Variants in PCDHGB4 observed in about 807,000 individuals in gnomAD.
PCDHGB4 encodes the protein protocadherin gamma-B4.
In PCDHGB4, 38 loss-of-function variants were observed where a neutral mutation model predicts 60.5. The observed-to-expected ratio is 0.63, with a 90% CI of 0.48 to 0.82. The LOEUF is 0.82. Among genes scored for constraint, PCDHGB4 ranks in the 40% least tolerant of loss-of-function variants. PCDHGB4 has a pLI of 0.00. For synonymous variants in PCDHGB4, 456 were observed against 509.7 expected (o/e 0.89, Z 1.42); for missense variants, 1,109 against 1,209.6 (o/e 0.92, Z 1.23).
chr5:141,505,072 G>A (rs1374916789), intron 2 of PCDHGB4, among the ~76,000 whole-genome samples: 1 of 152,228 alleles, frequency 6.6e-6, no homozygotes. Context: ...TGAGGCAGGA[G>A]AATCGCTTGA....
intron 1 of PCDHGB4, chr5:141,392,860 T>G (rs726684): frequency 0.19 from 299,729 of 1,611,996 alleles, 30,027 homozygotes; most frequent in Admixed American, 0.35. Context: ...CTGATCCTGC[T>G]GTGCGCGCTG....
chr5:141,405,273 A>G (rs762280864), intron 1 of PCDHGB4: 5 of 1,613,974 alleles, frequency 3.1e-6, no homozygotes, highest in African/African-American at 2.7e-5. Context: ...CCCCAGCCCA[A>G]CTATGCAGAC....
At chr5:141,395,197 T>A in intron 1 of PCDHGB4, 1 of 1,614,012 alleles carries the variant, frequency 6.2e-7, no homozygotes, top group Non-Finnish European at 8.5e-7. Context: ...TTAACATCCG[T>A]AGATTTTCAT....
intron 1 of PCDHGB4, among the ~76,000 whole-genome samples, chr5:141,484,389 G>A (rs1336850919): frequency 6.6e-6 from 1 of 152,140 alleles, no homozygotes; most frequent in Non-Finnish European, 1.5e-5. Flanking sequence ...GAATAAGAAA[G>A]GTTTGGTTTC....
rs2099612736 is a variant in PCDHGB4 at position 141,485,393 on chromosome 5, C to T, written c.2398-9414C>T. The T allele has an allele frequency of 6.2e-7, 1 of 1,614,154 alleles. No homozygotes were observed. The highest frequency in any genetic ancestry group is 1.7e-5 in the Admixed American group (1 of 60,020). ...GGTCGCTGGAGAGGTGAACCAAAGA[C>T]ACTTCCGTGTGGATTTGGACAGCGG... On this transcript the variant is annotated intron_variant, in intron 1 of 3. Coordinates refer to ENST00000519479, the MANE Select transcript of PCDHGB4 (RefSeq NM_003736.4). The surrounding 1 kb of genome is among the most constrained non-coding windows in gnomAD (Gnocchi z 5.7).
chr5:141,402,749 G>A (rs768250544), intron 1 of PCDHGB4, among the ~76,000 whole-genome samples: 4 of 152,152 alleles, frequency 2.6e-5, no homozygotes, highest in Non-Finnish European at 5.9e-5. Flanking sequence ...TCAACTCTAA[G>A]CGAAAATCAG....
At chr5:141,494,733 C>G in intron 1 of PCDHGB4, 74 bp from the exon 2 acceptor site, 1 of 1,610,826 alleles carries the variant, frequency 6.2e-7, no homozygotes, top group South Asian at 1.1e-5. Flanking sequence ...CTCTCCCGGC[C>G]CATCCCTAGG....
rs112156044 is a variant in PCDHGB4, at chr5:141,476,771, G to C, written c.2398-18036G>C. ...CCAGTTAGTGCTGACGGCGTTGGAC[G>C]GAGGGACCCCAGCTCTCTCCGCCAG... On this transcript the variant is annotated intron_variant, in intron 1 of 3. Coordinates refer to ENST00000519479, the MANE Select transcript of PCDHGB4 (RefSeq NM_003736.4). The surrounding 1 kb of genome is among the most constrained non-coding windows in gnomAD (Gnocchi z 7.6). 1.1e-5 allele frequency: 18 copies of C among 1,613,700 alleles called. 1 individual carries two copies. In the South Asian group the frequency reaches 1.3e-4, roughly 12 times the overall value.
chr5:141,413,054 A>G (rs2095600698), intron 1 of PCDHGB4: 1 of 981,614 alleles, frequency 1.0e-6, no homozygotes, highest in African/African-American at 1.6e-5. Flanking sequence ...AGGGAAGCTC[A>G]CTCCAGAATT....
At chr5:141,461,430 A>G (rs1239117668) in intron 1 of PCDHGB4, among the ~76,000 whole-genome samples, 2 of 151,992 alleles carry the variant, frequency 1.3e-5, no homozygotes, top group African/African-American at 4.8e-5. Context: ...GGCCATTTGT[A>G]TACCTTCTTT....
chr5:141,399,731 CGCCTGCGCTCAGCGCAAACGTGA>C (rs777966215), intron 1 of PCDHGB4: 5 of 1,613,174 alleles, frequency 3.1e-6, no homozygotes, highest in Admixed American at 1.7e-5. Flanking sequence ...GACCAGGGCT[CGCCTGCGCTCAGCGCAAACGTGA>C]GCCTGCGCGT....
chr5:141,474,819 G>A (rs1180279468), intron 1 of PCDHGB4, among the ~76,000 whole-genome samples: 1 of 152,190 alleles, frequency 6.6e-6, no homozygotes, highest in Non-Finnish European at 1.5e-5. Flanking sequence ...CATTAATTGA[G>A]GCTTACTCTG....
At chr5:141,455,837 AT>A (rs2098833014) in intron 1 of PCDHGB4, among the ~76,000 whole-genome samples, 2 of 151,422 alleles carry the variant, frequency 1.3e-5, no homozygotes, top group African/African-American at 4.8e-5. Context: ...TTTCCTGTCT[AT>A]CTGCATAAAA....
intron 1 of PCDHGB4, among the ~76,000 whole-genome samples, chr5:141,445,953 T>C (rs550111391): frequency 2.0e-4 from 31 of 152,308 alleles, no homozygotes; most frequent in Middle Eastern, 3.4e-3. Flanking sequence ...CTCTGGCTGC[T>C]ATATGGAGAA....
At chr5:141,427,972 C>T (rs1368719718) in intron 1 of PCDHGB4, 1 of 1,593,948 alleles carries the variant, frequency 6.3e-7, no homozygotes, top group South Asian at 1.1e-5. Flanking sequence ...GTGCTGTACC[C>T]CGCGCTGGGG....
chr5:141,413,212 G>C, intron 1 of PCDHGB4: 2 of 1,613,268 alleles, frequency 1.2e-6, no homozygotes, highest in Middle Eastern at 1.7e-4. Flanking sequence ...GGAATCAAAG[G>C]ATTGCAGCGG....
chr5:141,494,812 C>G lies in PCDHGB4; in HGVS notation c.2403C>G (p.Ala801=). The part of the protein sequence containing the change: ...NSSELTSHQQ[A]PPNTDWRFSQ... ...TCCCTCTGTTTTCTCCACAGCAAGCCCCGCCCAACACGGACTGGCGTTTCT... is the reference window on the plus strand; with the variant it reads ...TCCCTCTGTTTTCTCCACAGCAAGCGCCGCCCAACACGGACTGGCGTTTCT... The change falls in exon 2 of 4, where the codon GCC becomes GCG. Residue 801 remains alanine, a synonymous_variant. Coordinates refer to ENST00000519479, the MANE Select transcript of PCDHGB4 (RefSeq NM_003736.4). 4 of 1,614,146 alleles carry G rather than the reference C, an allele frequency of 2.5e-6. No homozygotes were observed. The highest frequency in any genetic ancestry group is 3.4e-6 in the Non-Finnish European group (4 of 1,180,016).
rs533830391 is a variant in PCDHGB4, at chr5:141,492,559, C to T, written c.2398-2248C>T. 4.6e-5 allele frequency among the ~76,000 whole-genome samples: 7 copies of T among 152,292 alleles called. No homozygotes were observed. The East Asian group carries it at 1.4e-3, about 29-fold the overall frequency. The stretch of plus-strand genomic sequence containing the variant: ...GGGCTGGGCCGGGTCGCCTGGGGGG[C>T]GGCCTGAGCGAGGCGCGGGGCCAGG... On this transcript the variant is annotated intron_variant, in intron 1 of 3. Coordinates refer to ENST00000519479, the MANE Select transcript of PCDHGB4 (RefSeq NM_003736.4).
At position 141,491,672 on chromosome 5, in the gene PCDHGB4, G is replaced by A. The variant is rs754836157; in HGVS notation, c.2398-3135G>A. The A allele has an allele frequency of 9.9e-6, 16 of 1,613,494 alleles. No homozygotes were observed. The South Asian group carries it at 1.4e-4, about 14-fold the overall frequency. On this transcript the variant is annotated intron_variant, in intron 1 of 3. Transcript: ENST00000519479. This position sits in a 1 kb window ranked among gnomAD's most constrained non-coding sequence, Gnocchi z 6.9. ...CTGGAGCCTGACGCCATCCGGTCCCGCTCTAATACGCTGCGGGAGCGGAGC... is the reference window on the plus strand; with the variant it reads ...CTGGAGCCTGACGCCATCCGGTCCCACTCTAATACGCTGCGGGAGCGGAGC...
Sources: allele counts gnomAD v4.1 joint callset (sites outside exome capture counted in the v4.1 genomes callset), GRCh38; gene constraint gnomAD v4.1.1; non-coding constraint Gnocchi (gnomAD v3.1); transcripts MANE v1.5; gene names NCBI Gene and HGNC (gene_info 2026-07-23, HGNC 2026-07-21).